HDAC2: variants seen among roughly 807,000 people sequenced by gnomAD.
HDAC2 encodes histone deacetylase 2.
A neutral mutation model predicts 68.5 loss-of-function variants in HDAC2; 5 were observed. That is an observed-to-expected ratio of 0.07 (90% CI 0.04 to 0.15). HDAC2 has a LOEUF of 0.15. Among genes scored for constraint, HDAC2 ranks in the 10% least tolerant of loss-of-function variants. The probability of loss-of-function intolerance (pLI) is 1.00; values close to 1 mark genes in which losing one functional copy is unlikely to be tolerated. For synonymous variants in HDAC2, 182 were observed against 191.3 expected (o/e 0.95, Z 0.40); for missense variants, 291 against 600.8 (o/e 0.48, Z 5.39).
At chr6:113,956,281 T>C (rs1776550219) in intron 4 of HDAC2, 130 bp from the exon 5 acceptor site, 4 of 756,770 alleles carry the variant, frequency 5.3e-6, no homozygotes, top group South Asian at 4.2e-5. Flanking sequence ...ACAGAAATCA[T>C]CTATAACACA....
chr6:113,943,583 G>T, intron 11 of HDAC2, 77 bp from the exon 12 acceptor site: 1 of 1,080,436 alleles, frequency 9.3e-7, no homozygotes, highest in Non-Finnish European at 1.3e-6. Context: ...TCATACAAAT[G>T]CACTAAGCAG....
rs1776598403 is a variant in HDAC2, at chr6:113,958,065, G to A, written c.283+584C>T. ...GAAGTCAGTCAATACAAACACTAAT[G>A]AGAATGAACTTTGGTATCAAGCTTT... is the stretch of plus-strand genomic sequence containing the variant. On this transcript the variant is annotated intron_variant, in intron 3 of 13. Coordinates refer to ENST00000519065, the MANE Select transcript of HDAC2 (RefSeq NM_001527.4). Among the ~76,000 whole-genome samples the A allele has an allele frequency of 2.6e-5, 4 of 152,286 alleles. 1 individual carries two copies. The South Asian group carries it at 8.3e-4, about 32-fold the overall frequency.
rs1299288522 is a variant in HDAC2 at position 113,941,023 on chromosome 6, T to G, written c.*35A>C. Reference sequence around the variant, plus strand: ...ACATTTTCCTTTCAATATTTTCTTTTTAATGATTTTCTGAAATTGGTGAGA... The same window carrying G: ...ACATTTTCCTTTCAATATTTTCTTTGTAATGATTTTCTGAAATTGGTGAGA... On this transcript the variant is annotated 3_prime_UTR_variant, in exon 14 of 14. Transcript: ENST00000519065. 1.9e-6 allele frequency: 3 copies of G among 1,557,404 alleles called. No individual in the cohort carries two copies. The highest frequency in any genetic ancestry group is 1.8e-6 in the Non-Finnish European group (2 of 1,134,328).
intron 8 of HDAC2, 97 bp downstream of exon 8, chr6:113,948,882 C>G (rs549999419): frequency 7.3e-7 from 1 of 1,369,970 alleles, no homozygotes; most frequent in South Asian, 1.4e-5. Context: ...AGTGTTAAAA[C>G]AGCAGGCAAG....
chr6:113,952,840 A>C (rs186033286), intron 6 of HDAC2, among the ~76,000 whole-genome samples: 1 of 152,198 alleles, frequency 6.6e-6, no homozygotes, highest in Admixed American at 6.5e-5. Flanking sequence ...TAGAAGCTTA[A>C]AGAAAAAAAA....
Position 113,945,403 on chromosome 6 carries a change from G to A in HDAC2, c.1050C>T (p.Asn350=), listed in dbSNP as rs2230139. ...PDFKLHISPS[N]MTNQNTPEYM... is the part of the protein sequence containing the mutation. ...ATTCTGGAGTGTTCTGGTTTGTCAT[G>A]TTTGAAGGACTAATATGCAGTTTGA... Residue 350 remains asparagine (N), a synonymous_variant, in exon 10 of 14, where the codon AAC becomes AAT. Transcript: ENST00000519065. 199 of 1,557,446 alleles carry A rather than the reference G, an allele frequency of 1.3e-4. 1 individual carries two copies. The East Asian group carries it at 4.1e-3, about 32-fold the overall frequency.
At chr6:113,970,589 T>A (rs1203718955) in intron 1 of HDAC2, 57 of 1,269,100 alleles carry the variant, frequency 4.5e-5, no homozygotes, top group Non-Finnish European at 4.9e-5. Flanking sequence ...GGCGGCCACC[T>A]TCGAGGCTGC....
At chr6:113,964,635 C>T (rs542095980) in intron 1 of HDAC2, among the ~76,000 whole-genome samples, 1 of 152,318 alleles carries the variant, frequency 6.6e-6, no homozygotes, top group East Asian at 1.9e-4. Context: ...TCTGTCTATG[C>T]TGTATCTTTT....
intron 6 of HDAC2, among the ~76,000 whole-genome samples, chr6:113,950,433 T>C (rs1776383490): frequency 6.6e-6 from 1 of 151,390 alleles, no homozygotes; most frequent in African/African-American, 2.4e-5. Flanking sequence ...CAGGATGGAG[T>C]GCAGTGGCAT....
chr6:113,955,660 G>A (rs1293307885), intron 5 of HDAC2, among the ~76,000 whole-genome samples: 1 of 152,048 alleles, frequency 6.6e-6, no homozygotes, highest in East Asian at 1.9e-4. Flanking sequence ...GACTACAGAT[G>A]CATGCCACCA....
intron 9 of HDAC2, 79 bp from the exon 10 acceptor site, chr6:113,945,549 G>T: frequency 1.3e-6 from 1 of 760,038 alleles, no homozygotes. Context: ...CCAGATTTAG[G>T]TGGTGAAATA....
intron 8 of HDAC2, 106 bp downstream of exon 8, chr6:113,948,873 G>T: frequency 1.6e-6 from 2 of 1,222,518 alleles, no homozygotes; most frequent in East Asian, 2.4e-5. Flanking sequence ...GCAGAGTACA[G>T]TGTTAAAACA....
intron 1 of HDAC2, chr6:113,962,397 G>GA (rs796669811): frequency 4.0e-5 from 35 of 877,982 alleles, no homozygotes; most frequent in African/African-American, 3.4e-4. Context: ...GGTGAAGGCT[G>GA]AAAAAAAGAC....
intron 6 of HDAC2, among the ~76,000 whole-genome samples, chr6:113,950,034 G>A (rs1478672705): frequency 1.3e-5 from 2 of 151,990 alleles, no homozygotes; most frequent in Admixed American, 1.3e-4. Flanking sequence ...ACCCACCTCG[G>A]CCCCCCAAGG....
Position 113,946,009 on chromosome 6 carries a change from A to G in HDAC2, c.981T>C (p.Asn327=). The G allele has an allele frequency of 4.3e-6, 7 of 1,610,900 alleles. No individual in the cohort carries two copies. Among genetic ancestry groups the G allele is most frequent in the Non-Finnish European group, 5.9e-6 (7 of 1,177,128 alleles). ...AGATATTGTAATGAGAACACTTACCATTGGGAATCTCACAATCAAGGGCAA... is the reference window on the plus strand; with the variant it reads ...AGATATTGTAATGAGAACACTTACCGTTGGGAATCTCACAATCAAGGGCAA... ...TAVALDCEIP[N]ELPYNDYFEY... is the part of the protein sequence containing the mutation. Residue 327 remains asparagine (N), a splice_region_variant and synonymous_variant, in exon 9 of 14, where the codon AAT becomes AAC. Transcript: ENST00000519065.
Position 113,971,058 on chromosome 6 carries a change from G to T in HDAC2, c.-150C>A. The T allele has an allele frequency of 6.4e-7, 1 of 1,561,364 alleles. No individual in the cohort carries two copies. Among genetic ancestry groups the T allele is most frequent in the African/African-American group, 1.4e-5 (1 of 73,968 alleles). On this transcript the variant is annotated 5_prime_UTR_variant, in exon 1 of 14. Transcript: ENST00000519065. ...GAAGGGCAGGCCGGTGGGAGGAGAG[G>T]AGGGGGCGCCGGGAAGGCTCGGTAC...
rs1374886501 is a variant in HDAC2, at chr6:113,943,390, T to C, written c.1339A>G (p.Ile447Val). The change falls in exon 12 of 14, where the codon ATT becomes GTT. Residue 447 changes from isoleucine to valine, a missense_variant. Ile to Val is a conservative substitution (Grantham distance 29). Transcript: ENST00000519065. ...DHKKGAKKAR[I>V]EEDKKETEDK... ...TCTGTTTCTTTCTTATCTTCTTCAA[T>C]TCTAGCTTTCTTTGCTCCTTTCTTA... 7 of 1,610,590 alleles carry C rather than the reference T, an allele frequency of 4.3e-6. No homozygotes were observed. The East Asian group carries it at 8.9e-5, about 21-fold the overall frequency.
intron 1 of HDAC2, chr6:113,970,609 G>C: frequency 8.4e-6 from 11 of 1,308,862 alleles, no homozygotes; most frequent in Non-Finnish European, 9.7e-6. Context: ...CGGACTGCAC[G>C]GCCGAAGGGG....
intron 1 of HDAC2, among the ~76,000 whole-genome samples, chr6:113,960,475 G>A (rs1393087351): frequency 2.0e-5 from 3 of 151,936 alleles, no homozygotes; most frequent in South Asian, 2.1e-4. Flanking sequence ...AAAACATACC[G>A]TGTCCATATT....
Sources: allele counts gnomAD v4.1 joint callset (sites outside exome capture counted in the v4.1 genomes callset), GRCh38; gene constraint gnomAD v4.1.1; transcripts MANE v1.5; gene names NCBI Gene and HGNC (gene_info 2026-07-23, HGNC 2026-07-21).